TIMP2: variants seen among roughly 807,000 people sequenced by gnomAD.
TIMP2 encodes the protein metalloproteinase inhibitor 2.
Under a neutral mutation model 24.3 loss-of-function variants are expected in TIMP2, and 5 were observed. The observed-to-expected ratio is 0.21, with a 90% CI of 0.11 to 0.43. The LOEUF (loss-of-function observed/expected upper bound fraction) is 0.43. TIMP2 is among the 20% of genes least tolerant of loss of function. The pLI, the probability that TIMP2 is intolerant of heterozygous loss-of-function variation, is 1.00. For missense variants in TIMP2, 221 were observed against 297.5 expected (o/e 0.74, Z 1.89); for synonymous variants, 130 against 123.2 (o/e 1.06, Z -0.37).
intron 3 of TIMP2, among the ~76,000 whole-genome samples, chr17:78,859,677 T>A (rs938189952): frequency 6.7e-6 from 1 of 149,164 alleles, no homozygotes; most frequent in Non-Finnish European, 1.5e-5. Context: ...AGAAAATAAA[T>A]AAAAAATAAA....
At position 78,924,965 on chromosome 17, in the gene TIMP2, C is replaced by A; in HGVS notation, c.124G>T (p.Asp42Tyr). The A allele has an allele frequency of 7.7e-7, 1 of 1,298,512 alleles. No individual in the cohort carries two copies. Among genetic ancestry groups the A allele is most frequent in the South Asian group, 2.2e-5 (1 of 45,704 alleles). The allele number at this position is 1,298,512 out of a possible 1,614,324, so 80.4% of individuals were successfully genotyped here. Residue 42 changes from aspartate (D) to tyrosine (Y), a missense_variant, in exon 1 of 5, where the codon GAT (aspartate) becomes TAT (tyrosine). Transcript: ENST00000262768. This position sits in a 1 kb window ranked among gnomAD's most constrained non-coding sequence, Gnocchi z 5.3. ...VHPQQAFCNA[D>Y]VVIRAKAVSE... is the part of the protein sequence containing the mutation. ...TGGGGTCGCCGCTCCTTACCTACAT[C>A]TGCATTGCAAAACGCCTGTTGCGGG...
intron 1 of TIMP2, among the ~76,000 whole-genome samples, chr17:78,905,788 C>G (rs1225503166): frequency 6.6e-6 from 1 of 152,262 alleles, no homozygotes; most frequent in Non-Finnish European, 1.5e-5. Context: ...CTAAGGCCAA[C>G]TCAGCCTTGA....
At chr17:78,858,576 A>G (rs1222939379) in intron 3 of TIMP2, among the ~76,000 whole-genome samples, 1 of 152,208 alleles carries the variant, frequency 6.6e-6, no homozygotes, top group East Asian at 1.9e-4. Flanking sequence ...GCCAGAGTGC[A>G]ATGGTATGAT....
chr17:78,860,884 G>A (rs1973232), intron 3 of TIMP2, among the ~76,000 whole-genome samples: 132,162 of 151,842 alleles, frequency 0.87, 57,888 homozygotes, highest in African/African-American at 0.96. Context: ...AAAAATATAA[G>A]AATTAGCTGG....
At chr17:78,862,054 C>T (rs543126250) in intron 3 of TIMP2, among the ~76,000 whole-genome samples, 9 of 152,180 alleles carry the variant, frequency 5.9e-5, no homozygotes, top group African/African-American at 1.9e-4. Flanking sequence ...TACAGAAAAC[C>T]GGGAATTAAA....
chr17:78,880,313 A>G (rs942581963), intron 1 of TIMP2, among the ~76,000 whole-genome samples: 2 of 152,186 alleles, frequency 1.3e-5, no homozygotes, highest in African/African-American at 4.8e-5. Flanking sequence ...CTGTGTCCAC[A>G]GAAGTACTAT....
At position 78,896,362 on chromosome 17, in the gene TIMP2, C is replaced by A. The variant is rs1001895824; in HGVS notation, c.131-22443G>T. 6.6e-6 allele frequency among the ~76,000 whole-genome samples: 1 copy of A among 152,202 alleles called. No individual in the cohort carries two copies. Among genetic ancestry groups the A allele is most frequent in the African/African-American group, 2.4e-5 (1 of 41,448 alleles). ...CTCTGCCTGTGATGCCCAGGCTGAT[C>A]TCCAGGCAGCCCAGTGTCTCTCCAG... On this transcript the variant is annotated intron_variant, in intron 1 of 4. Transcript: ENST00000262768. This position sits in a 1 kb window ranked among gnomAD's most constrained non-coding sequence, Gnocchi z 4.4.
In TIMP2 at chr17:78,868,056, C is replaced by T. The variant is rs143001780; in HGVS notation, c.340+2842G>A. 4.0e-4 allele frequency among the ~76,000 whole-genome samples: 61 copies of T among 152,276 alleles called. 1 individual carries two copies. In the East Asian group the frequency reaches 0.01, roughly 26 times the overall value. The stretch of plus-strand genomic sequence containing the variant: ...TGGGAATCTCCCATTGTCTCTAACA[C>T]GGGGCTGGGCACCTAACAGGTGCTC... On this transcript the variant is annotated intron_variant, in intron 3 of 4. Coordinates refer to ENST00000262768, the MANE Select transcript of TIMP2 (RefSeq NM_003255.5).
intron 1 of TIMP2, among the ~76,000 whole-genome samples, chr17:78,894,427 T>A (rs1441196412): frequency 2.6e-5 from 4 of 151,984 alleles, no homozygotes; most frequent in Admixed American, 2.6e-4. Context: ...TGGTTAATAT[T>A]ATATTTAGCC....
chr17:78,866,197 GCT>G (rs970311111), intron 3 of TIMP2, among the ~76,000 whole-genome samples: 7 of 152,184 alleles, frequency 4.6e-5, no homozygotes, highest in Non-Finnish European at 1.0e-4. Context: ...TTCCTCCCGT[GCT>G]CTGTTCTGTG....
chr17:78,896,970 G>C lies in TIMP2; in HGVS notation c.131-23051C>G. On this transcript the variant is annotated intron_variant, in intron 1 of 4. Coordinates refer to ENST00000262768, the MANE Select transcript of TIMP2 (RefSeq NM_003255.5). The surrounding 1 kb of genome is among the most constrained non-coding windows in gnomAD (Gnocchi z 4.4). ...TCAGGCAACCTCTGGCCTACAGCTT[G>C]AGAATGACGTCCAAGCAGCTCGCCT... The C allele has an allele frequency of 3.0e-6, 3 of 985,388 alleles. No individual in the cohort carries two copies. Among genetic ancestry groups the C allele is most frequent in the Non-Finnish European group, 3.6e-6 (3 of 829,926 alleles). The allele number at this position is 985,388 out of a possible 1,614,324, so 61.0% of individuals were successfully genotyped here. A position where few individuals can be genotyped will look rare whatever the true frequency, so the allele number is the denominator to read the frequency against.
chr17:78,910,769 G>T (rs1212890027), intron 1 of TIMP2, among the ~76,000 whole-genome samples: 1 of 152,108 alleles, frequency 6.6e-6, no homozygotes, highest in African/African-American at 2.4e-5. Context: ...CAAATGACAA[G>T]ATTTCATTCT....
chr17:78,910,614 C>A (rs2070199264), intron 1 of TIMP2, among the ~76,000 whole-genome samples: 1 of 152,186 alleles, frequency 6.6e-6, no homozygotes. Context: ...TTCCCAGACT[C>A]TAGTATTCTC....
intron 1 of TIMP2, chr17:78,901,677 C>A (rs1179452372): frequency 7.0e-5 from 50 of 713,748 alleles, no homozygotes; most frequent in Non-Finnish European, 1.1e-4. Context: ...CCTCAGTTTG[C>A]TCTTTAGGAT....
intron 1 of TIMP2, chr17:78,897,042 A>G: frequency 1.0e-6 from 1 of 975,014 alleles, no homozygotes; most frequent in Middle Eastern, 5.3e-4. Flanking sequence ...GGCAGACCTC[A>G]CCCAGGGACC....
At chr17:78,915,386 G>T (rs1426393318) in intron 1 of TIMP2, among the ~76,000 whole-genome samples, 3 of 152,138 alleles carry the variant, frequency 2.0e-5, no homozygotes, top group Non-Finnish European at 4.4e-5. Flanking sequence ...TCCCTCCTCA[G>T]TGGCTCCATC....
chr17:78,872,868 C>T (rs926523833), intron 2 of TIMP2, among the ~76,000 whole-genome samples: 2 of 151,372 alleles, frequency 1.3e-5, no homozygotes, highest in African/African-American at 4.9e-5. Flanking sequence ...TCGCTCTTGT[C>T]GCACAGGCTG....
intron 1 of TIMP2, among the ~76,000 whole-genome samples, chr17:78,876,769 C>T (rs531253518): frequency 1.1e-4 from 16 of 152,010 alleles, no homozygotes; most frequent in East Asian, 3.9e-4. Context: ...TCAAGTGATC[C>T]GCCCACTTTG....
intron 1 of TIMP2, among the ~76,000 whole-genome samples, chr17:78,913,953 G>T (rs1024008328): frequency 1.3e-5 from 2 of 149,586 alleles, no homozygotes; most frequent in Non-Finnish European, 3.0e-5. Context: ...GATTTTTCTT[G>T]CTTTTTGCTT....
Sources: allele counts gnomAD v4.1 joint callset (sites outside exome capture counted in the v4.1 genomes callset), GRCh38; gene constraint gnomAD v4.1.1; non-coding constraint Gnocchi (gnomAD v3.1); transcripts MANE v1.5; gene names NCBI Gene and HGNC (gene_info 2026-07-23, HGNC 2026-07-21).